Variants in TTI1 observed in about 807,000 individuals in gnomAD.
The protein encoded by TTI1 is TELO2-interacting protein 1 homolog.
A neutral mutation model predicts 85.4 loss-of-function variants in TTI1; 52 were observed. The observed-to-expected ratio is 0.61, with a 90% confidence interval of 0.49 to 0.77. TTI1 has a LOEUF of 0.77. Ranked by LOEUF, TTI1 falls within the 30% of genes least tolerant of loss-of-function variation. TTI1 has a pLI of 0.00. For synonymous variants in TTI1, 512 were observed against 503.9 expected (o/e 1.02, Z -0.22); for missense variants, 1,173 against 1,296.0 (o/e 0.91, Z 1.46).
intron 2 of TTI1, among the ~76,000 whole-genome samples, chr20:38,008,005 CTT>C (rs780767985): frequency 2.0e-5 from 3 of 152,236 alleles, no homozygotes; most frequent in Non-Finnish European, 2.9e-5. Context: ...ATTAAAATGT[CTT>C]TGCTCACAAA....
At chr20:38,004,165 T>G (rs1040749213) in intron 3 of TTI1, among the ~76,000 whole-genome samples, 1 of 152,348 alleles carries the variant, frequency 6.6e-6, no homozygotes, top group South Asian at 2.1e-4. Context: ...TCATTCTCAC[T>G]GTCTAGAGTG....
chr20:37,994,369 G>A (rs966560082), intron 7 of TTI1, among the ~76,000 whole-genome samples: 1 of 152,090 alleles, frequency 6.6e-6, no homozygotes, highest in Non-Finnish European at 1.5e-5. Context: ...TCCTGACCTC[G>A]TGATCTGCCT....
intron 2 of TTI1, among the ~76,000 whole-genome samples, chr20:38,008,469 G>C (rs1049902241): frequency 6.6e-6 from 1 of 152,158 alleles, no homozygotes; most frequent in African/African-American, 2.4e-5. Flanking sequence ...CATTCTCCAA[G>C]TTGTGAAGTA....
chr20:37,985,590 C>T (rs2073180344), intron 7 of TTI1, among the ~76,000 whole-genome samples: 1 of 151,332 alleles, frequency 6.6e-6, no homozygotes, highest in African/African-American at 2.4e-5. Flanking sequence ...TGCAATGGCG[C>T]GATCTCAGCT....
chr20:38,013,846 A>G lies in TTI1; in HGVS notation c.-30T>C. ...CAGCAGCCTTCCCCTCATTGAGGAA[A>G]CATCCTGCAGGCTGGAGGAAGGAAA... is the stretch of plus-strand genomic sequence containing the variant. On this transcript the variant is annotated 5_prime_UTR_variant, in exon 2 of 8. Coordinates refer to ENST00000373447, the MANE Select transcript of TTI1 (RefSeq NM_001303457.2). 1 of 1,588,670 alleles carries G rather than the reference A, an allele frequency of 6.3e-7. No individual in the cohort carries two copies. The highest frequency in any genetic ancestry group is 8.6e-7 in the Non-Finnish European group (1 of 1,169,046).
chr20:38,005,478 A>G (rs2073482650), intron 3 of TTI1, among the ~76,000 whole-genome samples: 1 of 152,224 alleles, frequency 6.6e-6, no homozygotes, highest in Non-Finnish European at 1.5e-5. Context: ...AAGCATATAA[A>G]TAGACAATGG....
Position 38,013,353 on chromosome 20 carries a change from A to AGG in TTI1, c.463_464insCC (p.Val155AlafsTer6). 1 of 1,614,168 alleles carries AGG rather than the reference A, an allele frequency of 6.2e-7. No individual in the cohort carries two copies. The highest frequency in any genetic ancestry group is 1.3e-5 in the African/African-American group (1 of 75,064). On this transcript the variant is annotated frameshift_variant, in exon 2 of 8. Coordinates refer to ENST00000373447, the MANE Select transcript of TTI1 (RefSeq NM_001303457.2). LOFTEE classifies it high-confidence loss of function. Reference sequence around the variant, plus strand: ...TTCTGCAAGGCCTAACAGTAAAGATACAGCAAATCCTAAACGTGGCAGAAT... The same window carrying AGG: ...TTCTGCAAGGCCTAACAGTAAAGATAGGCAGCAAATCCTAAACGTGGCAGAAT...
intron 1 of TTI1, among the ~76,000 whole-genome samples, chr20:38,026,530 A>G (rs1269086457): frequency 6.6e-6 from 1 of 152,222 alleles, no homozygotes; most frequent in African/African-American, 2.4e-5. Flanking sequence ...AATAATTTTC[A>G]GGTGCTGAAA....
rs762948089 is a variant in TTI1, at chr20:38,012,707, G to A, written c.1110C>T (p.Leu370=). ...GCAGGCTTTCTGACAAGATGTCAGC[G>A]AGGGCTTTGTTGCCCACCACTACTT... ...DQKVVVGNKA[L]ADILSESLHS... is the part of the protein sequence containing the mutation. The change falls in exon 2 of 8, where the codon CTC becomes CTT. Residue 370 remains leucine, a synonymous_variant. Coordinates refer to ENST00000373447, the MANE Select transcript of TTI1 (RefSeq NM_001303457.2). The A allele has an allele frequency of 3.2e-5, 51 of 1,614,194 alleles. No individual in the cohort carries two copies. The highest frequency in any genetic ancestry group is 9.9e-5 in the South Asian group (9 of 91,078).
intron 1 of TTI1, among the ~76,000 whole-genome samples, chr20:38,017,580 T>C (rs1321790363): frequency 6.6e-6 from 1 of 152,122 alleles, no homozygotes; most frequent in Non-Finnish European, 1.5e-5. Context: ...CAGACAAAAC[T>C]GCAATCTTGA....
intron 7 of TTI1, among the ~76,000 whole-genome samples, chr20:37,983,842 G>GT (rs1014101414): frequency 2.6e-5 from 4 of 152,226 alleles, no homozygotes; most frequent in Non-Finnish European, 4.4e-5. Flanking sequence ...CGAAATACAG[G>GT]TAACAGTTTC....
At chr20:38,009,379 C>T (rs2073548216) in intron 2 of TTI1, among the ~76,000 whole-genome samples, 1 of 152,172 alleles carries the variant, frequency 6.6e-6, no homozygotes, top group East Asian at 1.9e-4. Context: ...CTCCTCAAGG[C>T]CCTACCAGGA....
At position 38,011,582 on chromosome 20, in the gene TTI1, C is replaced by T. The variant is rs370080632; in HGVS notation, c.2235G>A (p.Leu745=). 22 of 1,614,080 alleles carry T rather than the reference C, an allele frequency of 1.4e-5. No homozygotes were observed. Among genetic ancestry groups the T allele is most frequent in the Non-Finnish European group, 1.7e-6 (2 of 1,180,046 alleles). ...ADVVQDVLAT[L]DQFYDKRAAS... ...CAGCTCTCTTATCGTAAAATTGGTCCAGGGTGGCCAAGACATCTTGAACCA... is the reference window on the plus strand; with the variant it reads ...CAGCTCTCTTATCGTAAAATTGGTCTAGGGTGGCCAAGACATCTTGAACCA... Residue 745 remains leucine, a synonymous_variant, in exon 2 of 8, where the codon CTG becomes CTA. Coordinates refer to ENST00000373447, the MANE Select transcript of TTI1 (RefSeq NM_001303457.2).
At chr20:37,994,053 G>A (rs936903127) in intron 7 of TTI1, among the ~76,000 whole-genome samples, 2 of 152,210 alleles carry the variant, frequency 1.3e-5, no homozygotes, top group Non-Finnish European at 2.9e-5. Flanking sequence ...GTGAAGGAAA[G>A]AGAAGAATTA....
chr20:38,012,672 G>A lies in TTI1; in HGVS notation c.1145C>T (p.Ala382Val), dbSNP rs745425784. The A allele has an allele frequency of 3.1e-6, 5 of 1,614,106 alleles. No individual in the cohort carries two copies. Among genetic ancestry groups the A allele is most frequent in the South Asian group, 1.1e-5 (1 of 91,088 alleles). ...GTTCATTAGGCGAGGAAGAGATGTG[G>A]CAAGGGAATGCAGGCTTTCTGACAA... The part of the protein sequence containing the change: ...DILSESLHSL[A>V]TSLPRLMNSQ... Residue 382 changes from alanine (A) to valine (V), a missense_variant, in exon 2 of 8, where the codon GCC becomes GTC. Physicochemically the swap from Ala to Val is moderately conservative, Grantham distance 64. Coordinates refer to ENST00000373447, the MANE Select transcript of TTI1 (RefSeq NM_001303457.2).
At chr20:37,997,060 A>G (rs1600614576) in intron 5 of TTI1, 107 bp from the exon 6 acceptor site, 1 of 1,225,138 alleles carries the variant, frequency 8.2e-7, no homozygotes, top group Non-Finnish European at 1.1e-6. Context: ...TGGGGGAAAA[A>G]AAAAATAGAA....
At chr20:38,025,040 C>T (rs983668630) in intron 1 of TTI1, among the ~76,000 whole-genome samples, 14 of 152,086 alleles carry the variant, frequency 9.2e-5, no homozygotes, top group Non-Finnish European at 1.9e-4. Context: ...TCTTGGGTGT[C>T]AATGGAGGCT....
intron 7 of TTI1, among the ~76,000 whole-genome samples, chr20:37,990,682 G>A (rs1022742594): frequency 6.6e-6 from 1 of 152,200 alleles, no homozygotes; most frequent in African/African-American, 2.4e-5. Context: ...AGGGATGACA[G>A]AGCCTGCAGA....
intron 7 of TTI1, among the ~76,000 whole-genome samples, chr20:37,994,592 T>C (rs1332607352): frequency 6.6e-6 from 1 of 151,878 alleles, no homozygotes; most frequent in African/African-American, 2.4e-5. Flanking sequence ...CCAAATCAGC[T>C]CTTGATCAAG....
Sources: allele counts gnomAD v4.1 joint callset (sites outside exome capture counted in the v4.1 genomes callset), GRCh38; gene constraint gnomAD v4.1.1; transcripts MANE v1.5; gene names NCBI Gene and HGNC (gene_info 2026-07-23, HGNC 2026-07-21).